IFT46: variants seen among roughly 807,000 people sequenced by gnomAD.
IFT46 encodes the protein intraflagellar transport 46, also known as intraflagellar transport protein 46 homolog.
In IFT46, 19 loss-of-function variants were observed where a neutral mutation model predicts 39.6. The ratio of observed to expected loss-of-function variants is 0.48; its 90% CI spans 0.33 to 0.70. The LOEUF (loss-of-function observed/expected upper bound fraction) is 0.70, where lower values mean the gene tolerates loss of function less well. IFT46 is among the 30% of genes least tolerant of loss of function. The pLI, the probability that IFT46 is intolerant of heterozygous loss-of-function variation, is 0.01. For synonymous variants in IFT46, 117 were observed against 134.8 expected (o/e 0.87, Z 0.91); for missense variants, 334 against 364.8 (o/e 0.92, Z 0.69).
chr11:118,551,571 G>A (rs1033597941), intron 9 of IFT46, among the ~76,000 whole-genome samples: 1 of 151,116 alleles, frequency 6.6e-6, no homozygotes, highest in African/African-American at 2.4e-5. Context: ...CTACTGGTAA[G>A]GCTGAGGTGG....
intron 6 of IFT46, 37 bp from the exon 7 acceptor site, chr11:118,554,624 T>C: frequency 6.4e-7 from 1 of 1,565,120 alleles, no homozygotes; most frequent in Non-Finnish European, 8.6e-7. Context: ...GAAAGGAAAA[T>C]GTTTCCAATA....
upstream of IFT46, among the ~76,000 whole-genome samples, chr11:118,568,275 T>C (rs1555071857): frequency 6.6e-6 from 1 of 152,098 alleles, no homozygotes; most frequent in Non-Finnish European, 1.5e-5. Flanking sequence ...TTGGGCCAGG[T>C]GAAGTGGCTC....
In IFT46 at chr11:118,559,688, G is replaced by T. The variant is rs78017550; in HGVS notation, c.45+97C>A. The stretch of plus-strand genomic sequence containing the variant: ...TCAAAGGTCCCTAACCCCTGGAGGT[G>T]AGTGTTCAAGAAATGTTTACCGTTG... On this transcript the variant is annotated intron_variant, in intron 3 of 11. Coordinates refer to ENST00000264021, the MANE Select transcript of IFT46 (RefSeq NM_001168618.2). 2,286 of 914,382 alleles carry T rather than the reference G, an allele frequency of 2.5e-3. 33 individuals are homozygous for T. In the African/African-American group the frequency reaches 0.03, roughly 12 times the overall value. 56.6% of individuals were successfully genotyped at this position (914,382 alleles called of 1,614,324 possible).
At chr11:118,546,500 G>T in intron 9 of IFT46, 1 of 217,996 alleles carries the variant, frequency 4.6e-6, no homozygotes. Context: ...AAAAAAGGAA[G>T]GAAGGGAGGG....
chr11:118,565,353 G>A (rs1381690914), intron 1 of IFT46, among the ~76,000 whole-genome samples: 2 of 149,220 alleles, frequency 1.3e-5, no homozygotes, highest in African/African-American at 2.5e-5. Flanking sequence ...GTACGACCAC[G>A]CGCAAGGGCA....
chr11:118,563,312 G>A (rs1002319346), intron 2 of IFT46, among the ~76,000 whole-genome samples: 1 of 152,162 alleles, frequency 6.6e-6, no homozygotes, highest in African/African-American at 2.4e-5. Flanking sequence ...GTTTTGAAGG[G>A]TATGGATTTT....
At chr11:118,548,860 A>G (rs1333677763) in intron 9 of IFT46, among the ~76,000 whole-genome samples, 1 of 147,824 alleles carries the variant, frequency 6.8e-6, no homozygotes, top group African/African-American at 2.5e-5. Context: ...GGCTCAAGCA[A>G]TCCTCCCATT....
intron 4 of IFT46, among the ~76,000 whole-genome samples, chr11:118,556,201 T>C (rs574690775): frequency 5.3e-5 from 8 of 151,790 alleles, no homozygotes; most frequent in African/African-American, 1.9e-4. Flanking sequence ...TTTTAAAAAA[T>C]TTTTGGGCGG....
In IFT46 at chr11:118,544,850, G is replaced by C. The variant is rs139719866; in HGVS notation, c.*66C>G. The stretch of plus-strand genomic sequence containing the variant: ...GCAAGGACATCAAGTAGCTGACAAC[G>C]ATCTGTCCATCTCAGCTGGGGCAGA... On this transcript the variant is annotated 3_prime_UTR_variant, in exon 12 of 12. Coordinates refer to ENST00000264021, the MANE Select transcript of IFT46 (RefSeq NM_001168618.2). The C allele has an allele frequency of 8.7e-7, 1 of 1,148,238 alleles. No individual in the cohort carries two copies. Among genetic ancestry groups the C allele is most frequent in the Non-Finnish European group, 1.3e-6 (1 of 764,872 alleles). The allele number at this position is 1,148,238 out of a possible 1,614,324, so 71.1% of individuals were successfully genotyped here.
At chr11:118,572,455 C>T in intron 1 of IFT46, 2 of 1,368,620 alleles carry the variant, frequency 1.5e-6, no homozygotes, top group South Asian at 1.3e-5. Flanking sequence ...AAGGGGGCAG[C>T]AGGTCCAGAG....
At chr11:118,568,991 T>G (rs1938284269), upstream of IFT46, among the ~76,000 whole-genome samples, 1 of 151,508 alleles carries the variant, frequency 6.6e-6, no homozygotes, top group African/African-American at 2.4e-5. Context: ...TTAGAAAATT[T>G]AAAAATAGGC....
chr11:118,572,497 C>G, intron 1 of IFT46: 1 of 1,608,340 alleles, frequency 6.2e-7, no homozygotes, highest in Non-Finnish European at 8.5e-7. Context: ...AGACCCTACC[C>G]CTATCCCCAG....
chr11:118,557,900 G>T, intron 3 of IFT46: 2 of 1,570,586 alleles, frequency 1.3e-6, no homozygotes, highest in South Asian at 2.4e-5. Context: ...CCTGAAGGAT[G>T]ACCAATTGGC....
At chr11:118,560,247 C>CA (rs1166824002) in intron 2 of IFT46, 1,170 of 128,566 alleles carry the variant, frequency 9.1e-3, no homozygotes, top group South Asian at 0.023. Flanking sequence ...ATCCCATCTA[C>CA]AAAAAAAAAA....
intron 3 of IFT46, among the ~76,000 whole-genome samples, chr11:118,558,536 A>G (rs782520514): frequency 2.6e-5 from 4 of 152,054 alleles, no homozygotes; most frequent in Non-Finnish European, 5.9e-5. Flanking sequence ...CGGAGGTTGC[A>G]GCGAGCTGAG....
At chr11:118,576,719 G>C (rs926827241), upstream of IFT46, among the ~76,000 whole-genome samples, 20 of 152,250 alleles carry the variant, frequency 1.3e-4, no homozygotes, top group African/African-American at 4.6e-4. Flanking sequence ...TCAACTGCCT[G>C]GAACCTGTAA....
intron 9 of IFT46, among the ~76,000 whole-genome samples, chr11:118,549,714 G>A (rs1951772363): frequency 6.6e-6 from 1 of 151,574 alleles, no homozygotes; most frequent in Non-Finnish European, 1.5e-5. Flanking sequence ...TAGTAGAGAT[G>A]GGGTTTCACC....
At chr11:118,575,072 G>A (rs1363255763), upstream of IFT46, among the ~76,000 whole-genome samples, 4 of 152,214 alleles carry the variant, frequency 2.6e-5, no homozygotes, top group Admixed American at 6.5e-5. Context: ...TCTGCCTCCC[G>A]GGTTCAAGCT....
intron 3 of IFT46, 59 bp downstream of exon 3, chr11:118,559,726 C>G (rs1310645276): frequency 4.5e-6 from 6 of 1,347,580 alleles, no homozygotes; most frequent in Non-Finnish European, 6.4e-6. Context: ...CTGGTGTCAT[C>G]TCTAACTACT....
Sources: gnomAD v4.1 joint callset for allele counts (sites outside exome capture counted in the v4.1 genomes callset) on GRCh38, gnomAD v4.1.1 for gene constraint, MANE v1.5 for transcripts, NCBI Gene and HGNC (gene_info 2026-07-23, HGNC 2026-07-21) for gene names.